Variants in C16orf89 observed in about 807,000 individuals in gnomAD.
C16orf89 encodes chromosome 16 open reading frame 89, also known as UPF0764 protein C16orf89.
C16orf89 carries 57 observed loss-of-function variants against 41.5 expected under a neutral mutation model. That is an observed-to-expected ratio of 1.38 (90% CI 1.11 to 1.71). C16orf89 has a LOEUF of 1.71. Among genes scored for constraint, C16orf89 ranks in the 40% most tolerant of loss-of-function variants. The pLI is 0.00. For missense variants in C16orf89, 575 were observed against 445.9 expected, an observed-to-expected ratio of 1.29 and a Z score of -2.61; for synonymous variants, 223 against 190.6, an observed-to-expected ratio of 1.17 and a Z score of -1.40.
chr16:5,057,308 T>C (rs1956530138), intron 4 of C16orf89, among the ~76,000 whole-genome samples: 1 of 140,218 alleles, frequency 7.1e-6, no homozygotes, highest in Non-Finnish European at 1.5e-5. Context: ...ATATATATAG[T>C]GGTATATATA....
At position 5,049,543 on chromosome 16, in the gene C16orf89, A is replaced by T. The variant is rs192707710; in HGVS notation, c.869-1579T>A. On this transcript the variant is annotated intron_variant, in intron 6 of 7. Coordinates refer to ENST00000472572, the MANE Select transcript of C16orf89 (RefSeq NM_001098514.3). ...TGGAATAAAACTAGAAATCAATAACAAGAGGAACTTTCAAAATTGTACAAA... is the reference window on the plus strand; with the variant it reads ...TGGAATAAAACTAGAAATCAATAACTAGAGGAACTTTCAAAATTGTACAAA... 2.1e-3 allele frequency among the ~76,000 whole-genome samples: 316 copies of T among 152,370 alleles called. 4 individuals are homozygous for T. The highest frequency in any genetic ancestry group is 4.4e-3 in the African/African-American group (183 of 41,596).
intron 1 of C16orf89, among the ~76,000 whole-genome samples, chr16:5,064,358 G>A (rs1022405223): frequency 3.3e-5 from 5 of 152,186 alleles, no homozygotes; most frequent in Non-Finnish European, 2.9e-5. Flanking sequence ...GTTGCTGCTA[G>A]TCAAGGATGC....
At chr16:5,048,221 G>C (rs1182870681) in intron 6 of C16orf89, among the ~76,000 whole-genome samples, 1 of 152,100 alleles carries the variant, frequency 6.6e-6, no homozygotes, top group Non-Finnish European at 1.5e-5. Flanking sequence ...TTTTGGTAGA[G>C]ATGGGGTCTT....
chr16:5,063,260 A>G (rs951960754), intron 1 of C16orf89, among the ~76,000 whole-genome samples: 3 of 152,154 alleles, frequency 2.0e-5, no homozygotes, highest in African/African-American at 4.8e-5. Context: ...GGCTAGGTTA[A>G]GAAGGATGCT....
chr16:5,054,263 C>T (rs1291947855), intron 6 of C16orf89, among the ~76,000 whole-genome samples: 1 of 152,136 alleles, frequency 6.6e-6, no homozygotes, highest in Admixed American at 6.6e-5. Context: ...GTGGGGATTA[C>T]TATGCTCATT....
intron 2 of C16orf89, among the ~76,000 whole-genome samples, chr16:5,060,759 G>A (rs1956600550): frequency 6.6e-6 from 1 of 152,052 alleles, no homozygotes; most frequent in African/African-American, 2.4e-5. Context: ...CAGCACTTGG[G>A]GAGGCTAAGG....
chr16:5,049,359 C>A (rs1449802241), intron 6 of C16orf89, among the ~76,000 whole-genome samples: 1 of 152,192 alleles, frequency 6.6e-6, no homozygotes, highest in Non-Finnish European at 1.5e-5. Flanking sequence ...ATGAATCTAA[C>A]AGACATTTAC....
rs1019814919 is a variant in C16orf89 at position 5,052,545 on chromosome 16, C to T, written c.868+2701G>A. Among the ~76,000 whole-genome samples, 6 of 151,608 alleles carry T rather than the reference C, an allele frequency of 4.0e-5. No individual in the cohort carries two copies. The East Asian group carries it at 5.8e-4, about 15-fold the overall frequency. ...GGCAGAGGTTGCAGTGAGCCGAGAT[C>T]GCACCACTGCACTCCAGCCTGGGTG... On this transcript the variant is annotated intron_variant, in intron 6 of 7. Coordinates refer to ENST00000472572, the MANE Select transcript of C16orf89 (RefSeq NM_001098514.3).
chr16:5,061,762 C>T (rs1447364482), intron 2 of C16orf89, among the ~76,000 whole-genome samples: 3 of 152,098 alleles, frequency 2.0e-5, no homozygotes, highest in African/African-American at 4.8e-5. Flanking sequence ...GGCCTGGCTA[C>T]CTCCCCGCTC....
chr16:5,049,786 C>T (rs904953681), intron 6 of C16orf89, among the ~76,000 whole-genome samples: 1 of 151,780 alleles, frequency 6.6e-6, no homozygotes, highest in East Asian at 1.9e-4. Context: ...ATGATACATC[C>T]CAAGGAACTA....
chr16:5,062,524 G>C lies in C16orf89; in HGVS notation c.259C>G (p.Pro87Ala). 1 of 1,613,904 alleles carries C rather than the reference G, an allele frequency of 6.2e-7. No individual in the cohort carries two copies. The highest frequency in any genetic ancestry group is 1.3e-5 in the African/African-American group (1 of 75,054). The change falls in exon 2 of 8, where the codon CCG (proline) becomes GCG (alanine). Residue 87 changes from proline to alanine, a missense_variant. By Grantham distance (27) the Pro-to-Ala change is conservative. Coordinates refer to ENST00000472572, the MANE Select transcript of C16orf89 (RefSeq NM_001098514.3). ...AGCATCCCCACGCGCAGGCTCAGCG[G>C]CTGCAGCAGGGGCTCCTGGGCCCAC... ...EKWAQEPLLQPLSLRVGMLGE... is the reference protein window; with the variant it reads ...EKWAQEPLLQALSLRVGMLGE...
In C16orf89 at chr16:5,050,503, C is replaced by T. The variant is rs575684834; in HGVS notation, c.869-2539G>A. On this transcript the variant is annotated intron_variant, in intron 6 of 7. Coordinates refer to ENST00000472572, the MANE Select transcript of C16orf89 (RefSeq NM_001098514.3). ...TGAGATTGAATGTGTAATAAAAAGTCTCCCCAAAACAAAAAGCCCAGGACC... is the reference window on the plus strand; with the variant it reads ...TGAGATTGAATGTGTAATAAAAAGTTTCCCCAAAACAAAAAGCCCAGGACC... Among the ~76,000 whole-genome samples the T allele has an allele frequency of 2.0e-5, 3 of 152,212 alleles. No individual in the cohort carries two copies. In the East Asian group the frequency reaches 5.8e-4, roughly 29 times the overall value.
intron 7 of C16orf89, among the ~76,000 whole-genome samples, chr16:5,045,217 C>T (rs754949730): frequency 6.6e-6 from 1 of 152,196 alleles, no homozygotes; most frequent in Non-Finnish European, 1.5e-5. Context: ...CTGTGTAAGA[C>T]CTTCTGAGAT....
intron 2 of C16orf89, among the ~76,000 whole-genome samples, chr16:5,062,123 C>G (rs1352855191): frequency 3.3e-5 from 5 of 152,198 alleles, no homozygotes; most frequent in African/African-American, 1.2e-4. Flanking sequence ...TGGGACAGCC[C>G]AGCCTCTCCG....
intron 6 of C16orf89, among the ~76,000 whole-genome samples, chr16:5,054,265 A>G (rs1436666992): frequency 6.6e-6 from 1 of 152,126 alleles, no homozygotes; most frequent in Non-Finnish European, 1.5e-5. Context: ...GGGGATTACT[A>G]TGCTCATTTA....
chr16:5,062,479 C>T lies in C16orf89; in HGVS notation c.304G>A (p.Ala102Thr), dbSNP rs192225316. The change falls in exon 2 of 8, where the codon GCC becomes ACC. Residue 102 changes from alanine (A) to threonine (T), a missense_variant. Ala to Thr is a moderately conservative substitution (Grantham distance 58). Transcript: ENST00000472572. The stretch of plus-strand genomic sequence containing the variant: ...AGGTAGTGGAGGGATCTCTGGATGG[C>T]AGCCTCCAGCTTCTCCCCCAGCATC... ...VGMLGEKLEA[A>T]IQRSLHYLKL... The T allele has an allele frequency of 2.1e-4, 332 of 1,614,076 alleles. 1 individual carries two copies. In the African/African-American group the frequency reaches 3.8e-3, roughly 19 times the overall value.
intron 6 of C16orf89, among the ~76,000 whole-genome samples, chr16:5,053,694 C>T (rs886095708): frequency 1.3e-5 from 2 of 152,078 alleles, no homozygotes; most frequent in African/African-American, 2.4e-5. Context: ...TAGGTGTGCG[C>T]CACCACACCC....
At chr16:5,044,583 C>G in intron 7 of C16orf89, 105 bp from the exon 8 acceptor site, 1 of 1,539,920 alleles carries the variant, frequency 6.5e-7, no homozygotes, top group Non-Finnish European at 8.7e-7. Context: ...TGGCTCACAC[C>G]TATAATCCCA....
At chr16:5,048,862 C>G (rs1046521965) in intron 6 of C16orf89, among the ~76,000 whole-genome samples, 13 of 151,718 alleles carry the variant, frequency 8.6e-5, no homozygotes, top group African/African-American at 3.1e-4. Context: ...TAAGTCCTCA[C>G]AAGCCAATAA....
Sources: gnomAD v4.1 joint callset for allele counts (sites outside exome capture counted in the v4.1 genomes callset) on GRCh38, gnomAD v4.1.1 for gene constraint, MANE v1.5 for transcripts, NCBI Gene and HGNC (gene_info 2026-07-23, HGNC 2026-07-21) for gene names.